The following PDLIM5 variants were observed in gnomAD, a reference collection of about 807,000 sequenced individuals.
PDLIM5 encodes PDZ and LIM domain protein 5.
PDLIM5 carries 34 observed loss-of-function variants against 64.2 expected under a neutral mutation model. That is an observed-to-expected ratio of 0.53 (90% CI 0.40 to 0.71). The LOEUF (loss-of-function observed/expected upper bound fraction) is 0.71. Ranked by LOEUF, PDLIM5 falls within the 30% of genes least tolerant of loss-of-function variation. The pLI, the probability that PDLIM5 is intolerant of heterozygous loss-of-function variation, is 0.00. For synonymous variants in PDLIM5, 253 were observed against 269.1 expected, an observed-to-expected ratio of 0.94 and a Z score of 0.59; for missense variants, 683 against 733.6, an observed-to-expected ratio of 0.93 and a Z score of 0.80.
chr4:94,527,983 A>G (rs1375297449), intron 3 of PDLIM5, among the ~76,000 whole-genome samples: 1 of 152,192 alleles, frequency 6.6e-6, no homozygotes, highest in Non-Finnish European at 1.5e-5. Context: ...GGGCACAGAC[A>G]ACAGCACGTG....
At chr4:94,598,566 G>A (rs1356280354) in intron 7 of PDLIM5, among the ~76,000 whole-genome samples, 1 of 152,014 alleles carries the variant, frequency 6.6e-6, no homozygotes, top group Non-Finnish European at 1.5e-5. Flanking sequence ...TATTAGCAGT[G>A]GCCCCTGCTC....
chr4:94,532,655 C>T (rs1177859845), intron 3 of PDLIM5, among the ~76,000 whole-genome samples: 2 of 152,154 alleles, frequency 1.3e-5, no homozygotes. Flanking sequence ...ACTCATATAG[C>T]CTTCAGTGGT....
chr4:94,550,083 A>G (rs1460382157), intron 3 of PDLIM5: 1 of 152,002 alleles, frequency 6.6e-6, no homozygotes, highest in African/African-American at 2.4e-5. Flanking sequence ...TATTAAATAT[A>G]TGGAAATTAT....
chr4:94,572,426 CT>C (rs1638488264), intron 3 of PDLIM5, among the ~76,000 whole-genome samples: 1 of 152,026 alleles, frequency 6.6e-6, no homozygotes, highest in Non-Finnish European at 1.5e-5. Flanking sequence ...AGCAATTTAC[CT>C]ACACTTCTTT....
chr4:94,648,726 A>T (rs1464923663), intron 9 of PDLIM5, among the ~76,000 whole-genome samples: 1 of 152,170 alleles, frequency 6.6e-6, no homozygotes, highest in Non-Finnish European at 1.5e-5. Flanking sequence ...ATCTTCTTCC[A>T]AGCCCACGCA....
chr4:94,456,105 T>C (rs1411331265), intron 2 of PDLIM5: 4 of 704,534 alleles, frequency 5.7e-6, no homozygotes, highest in African/African-American at 1.8e-5. Flanking sequence ...CAGTAGGTAA[T>C]TATTACTATT....
At position 94,645,640 on chromosome 4, in the gene PDLIM5, A is replaced by G. The variant is rs555845849; in HGVS notation, c.1283+5190A>G. On this transcript the variant is annotated intron_variant, in intron 9 of 12. Coordinates refer to ENST00000317968, the MANE Select transcript of PDLIM5 (RefSeq NM_006457.5). ...TTAGGAATATAATAGTAAGCAATACATATAGCCAGTGTGCTTTAGAAAAAA... is the reference window on the plus strand; with the variant it reads ...TTAGGAATATAATAGTAAGCAATACGTATAGCCAGTGTGCTTTAGAAAAAA... 4.5e-4 allele frequency among the ~76,000 whole-genome samples: 69 copies of G among 152,310 alleles called. 1 individual carries two copies. The highest frequency in any genetic ancestry group is 1.3e-3 in the African/African-American group (53 of 41,574).
rs145981438 is a variant in PDLIM5, at chr4:94,455,348, C to T, written c.60C>T (p.Gly20=). The change falls in exon 2 of 13, where the codon GGC becomes GGT. Residue 20 remains glycine (G), a synonymous_variant. Transcript: ENST00000317968. ...CTCCTTGGGGTTTCCGGCTGCAGGG[C>T]GGTAAGGATTTCAACATGCCTCTGA... is the stretch of plus-strand genomic sequence containing the variant. ...GPAPWGFRLQ[G]GKDFNMPLTI... The T allele has an allele frequency of 4.2e-4, 685 of 1,613,102 alleles. 1 individual carries two copies. Among genetic ancestry groups the T allele is most frequent in the Non-Finnish European group, 5.4e-4 (633 of 1,179,078 alleles).
At chr4:94,645,329 G>A (rs914095306) in intron 9 of PDLIM5, among the ~76,000 whole-genome samples, 4 of 152,116 alleles carry the variant, frequency 2.6e-5, no homozygotes, top group African/African-American at 9.7e-5. Flanking sequence ...GGGCATTTGG[G>A]CTAGTTCCAT....
intron 7 of PDLIM5, among the ~76,000 whole-genome samples, chr4:94,592,672 G>A (rs1297111195): frequency 2.6e-5 from 4 of 152,134 alleles, no homozygotes; most frequent in African/African-American, 9.7e-5. Flanking sequence ...TTGTCACCCA[G>A]GCTAGAGTGC....
intron 3 of PDLIM5, among the ~76,000 whole-genome samples, chr4:94,535,949 C>A (rs1313443227): frequency 1.3e-5 from 2 of 150,308 alleles, no homozygotes; most frequent in African/African-American, 4.9e-5. Context: ...TATTGTATTG[C>A]AGTTTTAAAT....
Position 94,662,403 on chromosome 4 carries a change from C to A in PDLIM5, c.1586-19C>A. 1 of 1,104,608 alleles carries A rather than the reference C, an allele frequency of 9.1e-7. No individual in the cohort carries two copies. Among genetic ancestry groups the A allele is most frequent in the Non-Finnish European group, 1.4e-6 (1 of 718,982 alleles). The allele number at this position is 1,104,608 out of a possible 1,614,324, so 68.4% of individuals were successfully genotyped here. A position where few individuals can be genotyped will look rare whatever the true frequency, so the allele number is the denominator to read the frequency against. On this transcript the variant is annotated intron_variant, in intron 11 of 12. Transcript: ENST00000317968. ...TTCATCATGTTTAAATTATGTCTCT[C>A]TGCCCTCCCTTAATACAGATTATTA...
At chr4:94,573,245 T>G (rs1734956669) in intron 3 of PDLIM5, 106 bp from the exon 4 acceptor site, 4 of 754,714 alleles carry the variant, frequency 5.3e-6, no homozygotes, top group Admixed American at 2.5e-5. Context: ...TTCCAGTGAT[T>G]CAGTATATTA....
chr4:94,496,068 A>AC (rs1042031356), intron 2 of PDLIM5, among the ~76,000 whole-genome samples: 3 of 151,882 alleles, frequency 2.0e-5, no homozygotes, highest in African/African-American at 7.3e-5. Context: ...AAAAAAAAAA[A>AC]CCAAAAAACA....
At chr4:94,582,693 T>TTG in intron 5 of PDLIM5, 1 of 1,551,710 alleles carries the variant, frequency 6.4e-7, no homozygotes, top group Non-Finnish European at 8.9e-7. Flanking sequence ...GCATCTTTTT[T>TTG]TGTGTGTGTT....
chr4:94,452,490 G>C (rs1346084740), intron 1 of PDLIM5, among the ~76,000 whole-genome samples: 2 of 152,240 alleles, frequency 1.3e-5, no homozygotes, highest in Non-Finnish European at 2.9e-5. Context: ...AGGCTACTGA[G>C]AAGCATTTAT....
At chr4:94,553,255 C>T (rs2452588) in intron 3 of PDLIM5, among the ~76,000 whole-genome samples, 150,591 of 152,174 alleles carry the variant, frequency 0.99, 74,519 homozygotes, top group East Asian at 1. Flanking sequence ...ATTACAGGTG[C>T]ATGCCAGAAT....
intron 2 of PDLIM5, among the ~76,000 whole-genome samples, chr4:94,463,150 C>G (rs1306289166): frequency 6.6e-6 from 1 of 152,186 alleles, no homozygotes; most frequent in African/African-American, 2.4e-5. Context: ...AGTGCCCTGT[C>G]ATAGACTTTT....
chr4:94,572,195 A>G lies in PDLIM5; in HGVS notation c.249-1156A>G, dbSNP rs1428538777. On this transcript the variant is annotated intron_variant, in intron 3 of 12. Transcript: ENST00000317968. ...GATCATCACTTAGTATTTACCTGCTATGCTTACATTTCTTGAATTCTGTGC... is the reference window on the plus strand; with the variant it reads ...GATCATCACTTAGTATTTACCTGCTGTGCTTACATTTCTTGAATTCTGTGC... Among the ~76,000 whole-genome samples the G allele has an allele frequency of 6.6e-5, 10 of 152,190 alleles. No homozygotes were observed. The East Asian group carries it at 1.7e-3, about 26-fold the overall frequency.
Sources: gnomAD v4.1 joint callset for allele counts (sites outside exome capture counted in the v4.1 genomes callset) on GRCh38, gnomAD v4.1.1 for gene constraint, MANE v1.5 for transcripts, NCBI Gene and HGNC (gene_info 2026-07-23, HGNC 2026-07-21) for gene names.